The following DOT1L variants were observed in gnomAD, a reference collection of about 807,000 sequenced individuals.
The protein encoded by DOT1L is histone-lysine N-methyltransferase, H3 lysine-79 specific.
In DOT1L, 33 loss-of-function variants were observed where a neutral mutation model predicts 153.3. The observed-to-expected ratio is 0.22, with a 90% CI of 0.16 to 0.29. The LOEUF is 0.29. DOT1L is among the 10% of genes least tolerant of loss of function. The pLI, the probability that DOT1L is intolerant of heterozygous loss-of-function variation, is 1.00. For synonymous variants in DOT1L, 1,135 were observed against 965.1 expected, an observed-to-expected ratio of 1.18 and a Z score of -3.26; for missense variants, 1,847 against 2,119.9, an observed-to-expected ratio of 0.87 and a Z score of 2.53.
chr19:2,185,742 C>T (rs2022469886), intron 2 of DOT1L, 113 bp from the exon 3 acceptor site: 1 of 1,156,742 alleles, frequency 8.6e-7, no homozygotes, highest in Non-Finnish European at 1.3e-6. Context: ...GCACTCCAGC[C>T]TGGGCAACAG....
At chr19:2,227,493 G>A in intron 27 of DOT1L, 1 of 536,106 alleles carries the variant, frequency 1.9e-6, no homozygotes, top group Non-Finnish European at 3.5e-6. Context: ...CGCAGTGCCT[G>A]CCCAGACAGG....
intron 9 of DOT1L, 44 bp from the exon 10 acceptor site, chr19:2,206,685 G>A (rs757932091): frequency 9.3e-6 from 15 of 1,605,610 alleles, no homozygotes; most frequent in Non-Finnish European, 1.2e-5. Flanking sequence ...CTGCTCTTCT[G>A]TTTCCTCTCT....
At chr19:2,195,056 A>G (rs1166927699) in intron 7 of DOT1L, among the ~76,000 whole-genome samples, 7 of 151,864 alleles carry the variant, frequency 4.6e-5, no homozygotes, top group Non-Finnish European at 7.4e-5. Flanking sequence ...TGCTCCTCCC[A>G]TGGACCCTGG....
intron 8 of DOT1L, among the ~76,000 whole-genome samples, chr19:2,201,721 TAAG>T (rs914898889): frequency 6.6e-6 from 1 of 152,302 alleles, no homozygotes; most frequent in East Asian, 1.9e-4. Context: ...AACAAACTCT[TAAG>T]AAGCCGAGAG....
intron 8 of DOT1L, 50 bp downstream of exon 8, chr19:2,199,989 C>A (rs375662134): frequency 1.9e-6 from 3 of 1,600,466 alleles, no homozygotes; most frequent in African/African-American, 1.3e-5. Context: ...CGCTCACAGG[C>A]GGGCGGTGGC....
intron 1 of DOT1L, among the ~76,000 whole-genome samples, chr19:2,174,988 GTGTGTGTATA>G (rs1228321414): frequency 1.5e-4 from 15 of 99,702 alleles, no homozygotes; most frequent in African/African-American, 5.7e-4. Flanking sequence ...GTGTGTGTGT[GTGTGTGTATA>G]TATATATTTT....
In DOT1L at chr19:2,211,096, C is replaced by T. The variant is rs114116987; in HGVS notation, c.1352-3C>T. On this transcript the variant is annotated splice_polypyrimidine_tract_variant and splice_region_variant and intron_variant, in intron 14 of 27. Coordinates refer to ENST00000398665, the MANE Select transcript of DOT1L (RefSeq NM_032482.3). The stretch of plus-strand genomic sequence containing the variant: ...TGCTGACGCCTGCCCTCCGCTCTCC[C>T]AGATGCCTACAGATCCCCTCACAGC... 2.3e-4 allele frequency: 376 copies of T among 1,611,782 alleles called. No homozygotes were observed. The African/African-American group carries it at 4.7e-3, about 20-fold the overall frequency.
chr19:2,223,162 C>T, intron 24 of DOT1L, 119 bp from the exon 25 acceptor site: 1 of 1,078,674 alleles, frequency 9.3e-7, no homozygotes, highest in South Asian at 1.5e-5. Flanking sequence ...CTGGGCAGGG[C>T]ATCAGTTTCC....
At chr19:2,195,743 G>A (rs1172762390) in intron 7 of DOT1L, among the ~76,000 whole-genome samples, 1 of 152,204 alleles carries the variant, frequency 6.6e-6, no homozygotes, top group African/African-American at 2.4e-5. Flanking sequence ...CCAGCAGAGC[G>A]GCTCAGGATG....
intron 7 of DOT1L, among the ~76,000 whole-genome samples, chr19:2,196,095 A>G (rs532191576): frequency 3.9e-4 from 60 of 152,362 alleles, no homozygotes; most frequent in African/African-American, 1.4e-3. Context: ...CATTCCTGTC[A>G]TTGCCACGAG....
rs201898267 is a variant in DOT1L at position 2,217,927 on chromosome 19, C to T, written c.2691+9C>T. 90 of 1,609,946 alleles carry T rather than the reference C, an allele frequency of 5.6e-5. No homozygotes were observed. The African/African-American group carries it at 1.1e-3, about 20-fold the overall frequency. ...GCCGCGCCGAGAGGGCGGTGAGTGG[C>T]TCCCAGGTGGCTGTCCCCAAGGGCC... is the stretch of plus-strand genomic sequence containing the variant. On this transcript the variant is annotated intron_variant, in intron 22 of 27. Transcript: ENST00000398665. The surrounding 1 kb of genome is among the most constrained non-coding windows in gnomAD (Gnocchi z 7.3).
rs114755333 is a variant in DOT1L at position 2,193,462 on chromosome 19, A to G, written c.494-227A>G. ...TTTCGGGGGCCACCAAGTGATGTCC[A>G]TGGATGACGCGTTGTGATGACCGTC... On this transcript the variant is annotated intron_variant, in intron 5 of 27. Transcript: ENST00000398665. The surrounding 1 kb of genome is among the most constrained non-coding windows in gnomAD (Gnocchi z 5.9). 5.0e-3 allele frequency among the ~76,000 whole-genome samples: 761 copies of G among 152,292 alleles called. 11 individuals are homozygous for G. Among genetic ancestry groups the G allele is most frequent in the African/African-American group, 0.018 (735 of 41,556 alleles).
chr19:2,181,423 T>C (rs1221702833), intron 2 of DOT1L, among the ~76,000 whole-genome samples: 1 of 152,148 alleles, frequency 6.6e-6, no homozygotes, highest in Non-Finnish European at 1.5e-5. Context: ...TGCCCAGGCC[T>C]GCAGCTGCCA....
chr19:2,165,769 A>G (rs1195953237), intron 1 of DOT1L, among the ~76,000 whole-genome samples: 2 of 139,578 alleles, frequency 1.4e-5, no homozygotes, highest in Non-Finnish European at 3.1e-5. Context: ...ATGGCTTCAC[A>G]TTTTTTTTTT....
chr19:2,194,239 C>T (rs1027243182), intron 6 of DOT1L, among the ~76,000 whole-genome samples: 7 of 152,156 alleles, frequency 4.6e-5, no homozygotes, highest in African/African-American at 1.2e-4. Flanking sequence ...GACTCGATCT[C>T]GGCTCACTGC....
At chr19:2,175,059 C>T (rs961470423) in intron 1 of DOT1L, among the ~76,000 whole-genome samples, 3 of 150,794 alleles carry the variant, frequency 2.0e-5, no homozygotes, top group Non-Finnish European at 4.4e-5. Flanking sequence ...AGTGCAGTGG[C>T]GCCATCTCGG....
intron 18 of DOT1L, 183 bp downstream of exon 18, chr19:2,214,169 C>T (rs1202074312): frequency 1.2e-5 from 13 of 1,101,888 alleles, no homozygotes; most frequent in South Asian, 9.8e-5. Flanking sequence ...CTGGGCCCCT[C>T]GGCTGGATGG....
chr19:2,217,406 C>G lies in DOT1L; in HGVS notation c.2544+316C>G, dbSNP rs1027556622. On this transcript the variant is annotated intron_variant, in intron 21 of 27. Coordinates refer to ENST00000398665, the MANE Select transcript of DOT1L (RefSeq NM_032482.3). This position sits in a 1 kb window ranked among gnomAD's most constrained non-coding sequence, Gnocchi z 7.3. ...AGGCCGCTGCCCATGAGGACTTCCC[C>G]GGGGGCACTGGCCTGTGTGCACAGG... 1.3e-5 allele frequency among the ~76,000 whole-genome samples: 2 copies of G among 152,130 alleles called. No individual in the cohort carries two copies. The highest frequency in any genetic ancestry group is 4.8e-5 in the African/African-American group (2 of 41,422).
intron 19 of DOT1L, among the ~76,000 whole-genome samples, chr19:2,215,168 C>T (rs1394471551): frequency 6.6e-6 from 1 of 152,032 alleles, no homozygotes; most frequent in African/African-American, 2.4e-5. Context: ...CATATTGAGG[C>T]AAAAAGGGCC....
Sources: gnomAD v4.1 joint callset for allele counts (sites outside exome capture counted in the v4.1 genomes callset) on GRCh38, gnomAD v4.1.1 for gene constraint, Gnocchi (gnomAD v3.1) non-coding constraint, MANE v1.5 for transcripts, NCBI Gene and HGNC (gene_info 2026-07-23, HGNC 2026-07-21) for gene names.